The following DCAF1 variants were observed in gnomAD, a reference collection of about 807,000 sequenced individuals.
DCAF1 encodes the protein DDB1- and CUL4-associated factor 1.
DCAF1 carries 15 observed loss-of-function variants against 128.0 expected under a neutral mutation model. The ratio of observed to expected loss-of-function variants is 0.12; its 90% CI spans 0.08 to 0.18. The LOEUF is 0.18. Ranked by LOEUF, DCAF1 falls within the 10% of genes least tolerant of loss-of-function variation. The pLI is 1.00. For missense variants in DCAF1, 988 were observed against 1,649.5 expected (o/e 0.60, Z 6.95); for synonymous variants, 610 against 603.0 (o/e 1.01, Z -0.17).
rs534811413 is a variant in DCAF1, at chr3:51,445,375, T to C, written c.376-1472A>G. 2.0e-4 allele frequency among the ~76,000 whole-genome samples: 31 copies of C among 152,348 alleles called. No homozygotes were observed. The South Asian group carries it at 2.3e-3, about 11-fold the overall frequency. ...TTTTTTACTCAACATGTTTTTTAGATTCATCTATATTGCTGCACGTAGCAC... is the reference window on the plus strand; with the variant it reads ...TTTTTTACTCAACATGTTTTTTAGACTCATCTATATTGCTGCACGTAGCAC... On this transcript the variant is annotated intron_variant, in intron 6 of 24. Coordinates refer to ENST00000684031, the MANE Select transcript of DCAF1 (RefSeq NM_001387579.1).
At chr3:51,497,540 T>C (rs949030830) in intron 1 of DCAF1, among the ~76,000 whole-genome samples, 19 of 151,566 alleles carry the variant, frequency 1.3e-4, no homozygotes, top group Non-Finnish European at 1.9e-4. Context: ...TGAGCCGAGA[T>C]TGCACCACTG....
chr3:51,429,127 C>A lies in DCAF1; in HGVS notation c.1677+134G>T, dbSNP rs1291639847. Reference sequence around the variant, plus strand: ...CTATTACATCCATTTTTCAATTGTTCTGCCTTCATACAGGGAAGTATACTC... The same window carrying A: ...CTATTACATCCATTTTTCAATTGTTATGCCTTCATACAGGGAAGTATACTC... On this transcript the variant is annotated intron_variant, in intron 12 of 24. Coordinates refer to ENST00000684031, the MANE Select transcript of DCAF1 (RefSeq NM_001387579.1). 6 of 612,474 alleles carry A rather than the reference C, an allele frequency of 9.8e-6. No homozygotes were observed. In the African/African-American group the frequency reaches 1.1e-4, roughly 11 times the overall value. 37.9% of individuals were successfully genotyped at this position (612,474 alleles called of 1,614,324 possible). A position where few individuals can be genotyped will look rare whatever the true frequency, so the allele number is the denominator to read the frequency against.
upstream of DCAF1, among the ~76,000 whole-genome samples, chr3:51,502,641 A>AGGGGCTTTGGAGAAGCC (rs1281760776): frequency 3.7e-4 from 56 of 152,138 alleles, no homozygotes; most frequent in African/African-American, 1.3e-3. Context: ...AGCATTAAGA[A>AGGGGCTTTGGAGAAGCC]GGGGCTTTGG....
intron 13 of DCAF1, among the ~76,000 whole-genome samples, chr3:51,423,504 CAAAA>C (rs1328087664): frequency 9.0e-6 from 1 of 111,384 alleles, no homozygotes. Flanking sequence ...TCTGTCTCCA[CAAAA>C]AAAAAAAAAG....
intron 6 of DCAF1, among the ~76,000 whole-genome samples, chr3:51,453,735 C>T (rs552247407): frequency 2.4e-4 from 36 of 152,218 alleles, no homozygotes; most frequent in Admixed American, 1.7e-3. Context: ...GGCAGATCAG[C>T]TGAGGTCGGG....
chr3:51,406,342 CAAAAAAAAAA>C (rs782324969), intron 23 of DCAF1, among the ~76,000 whole-genome samples: 6 of 48,196 alleles, frequency 1.2e-4, no homozygotes, highest in South Asian at 9.5e-4. Context: ...GACTCTGTCT[CAAAAAAAAAA>C]AAAAAAAAAA....
chr3:51,473,501 A>C (rs111719304), intron 3 of DCAF1, among the ~76,000 whole-genome samples: 1 of 142,864 alleles, frequency 7.0e-6, no homozygotes, highest in Non-Finnish European at 1.5e-5. Context: ...AAAAAAAAAA[A>C]CAAAAAACAA....
intron 18 of DCAF1, among the ~76,000 whole-genome samples, chr3:51,416,507 G>A (rs1264546619): frequency 6.6e-6 from 1 of 152,078 alleles, no homozygotes; most frequent in African/African-American, 2.4e-5. Context: ...CCCCAATGAG[G>A]GTCCATAAAG....
chr3:51,460,445 T>C (rs1243574853), intron 6 of DCAF1, among the ~76,000 whole-genome samples: 2 of 152,322 alleles, frequency 1.3e-5, no homozygotes, highest in Admixed American at 1.3e-4. Flanking sequence ...TCCATGTTCA[T>C]GGGTAGGAAG....
intron 6 of DCAF1, among the ~76,000 whole-genome samples, chr3:51,447,822 C>T (rs1553640599): frequency 1.3e-5 from 2 of 152,232 alleles, no homozygotes; most frequent in Non-Finnish European, 2.9e-5. Flanking sequence ...GTGGCACACG[C>T]CTATAATCCC....
At chr3:51,453,542 G>A (rs1337571580) in intron 6 of DCAF1, among the ~76,000 whole-genome samples, 1 of 152,048 alleles carries the variant, frequency 6.6e-6, no homozygotes, top group Non-Finnish European at 1.5e-5. Context: ...TGAGGCAGGA[G>A]AATGGTTTGA....
At chr3:51,405,765 TG>T (rs1350811885) in intron 23 of DCAF1, among the ~76,000 whole-genome samples, 4 of 152,224 alleles carry the variant, frequency 2.6e-5, no homozygotes, top group African/African-American at 9.7e-5. Flanking sequence ...GTGCATTCTC[TG>T]CTGGTCAAGT....
chr3:51,403,498 G>C (rs913776822), intron 23 of DCAF1, 103 bp from the exon 24 acceptor site: 18 of 1,481,484 alleles, frequency 1.2e-5, no homozygotes, highest in Admixed American at 1.1e-4. Context: ...ACTGTCAGTA[G>C]AGGGTAGTAG....
chr3:51,453,434 C>G (rs1356000252), intron 6 of DCAF1, among the ~76,000 whole-genome samples: 2 of 151,436 alleles, frequency 1.3e-5, no homozygotes, highest in Non-Finnish European at 2.9e-5. Flanking sequence ...GTGAGACCAG[C>G]CTGGGCAACA....
At chr3:51,490,798 C>T (rs1490506101) in intron 2 of DCAF1, among the ~76,000 whole-genome samples, 3 of 151,974 alleles carry the variant, frequency 2.0e-5, no homozygotes, top group African/African-American at 4.8e-5. Flanking sequence ...TGGTGGCAGA[C>T]GCCTGTAATC....
intron 3 of DCAF1, among the ~76,000 whole-genome samples, chr3:51,480,693 G>A (rs1706078880): frequency 1.3e-5 from 2 of 151,954 alleles, no homozygotes; most frequent in Admixed American, 6.6e-5. Context: ...TCATCCTGTG[G>A]GGCTACTTAT....
chr3:51,478,994 A>T (rs1416396411), intron 3 of DCAF1, among the ~76,000 whole-genome samples: 1 of 152,174 alleles, frequency 6.6e-6, no homozygotes, highest in Non-Finnish European at 1.5e-5. Flanking sequence ...AAACAAAAAG[A>T]TTTTTTTAAC....
downstream of DCAF1, chr3:51,395,915 G>C (rs1553622757): frequency 2.4e-6 from 1 of 413,270 alleles, no homozygotes; most frequent in African/African-American, 2.1e-5. Context: ...TTTTTTACTT[G>C]AGCTGTGGTC....
At chr3:51,470,070 G>C (rs548548143) in intron 4 of DCAF1, among the ~76,000 whole-genome samples, 2 of 151,978 alleles carry the variant, frequency 1.3e-5, no homozygotes, top group African/African-American at 4.8e-5. Flanking sequence ...AAATTAACAC[G>C]AGAAGGCATA....
Sources: allele counts gnomAD v4.1 joint callset (sites outside exome capture counted in the v4.1 genomes callset), GRCh38; gene constraint gnomAD v4.1.1; transcripts MANE v1.5; gene names NCBI Gene and HGNC (gene_info 2026-07-23, HGNC 2026-07-21).